Variants in MED13L observed in about 807,000 individuals in gnomAD.
The protein encoded by MED13L is mediator of RNA polymerase II transcription subunit 13-like.
A neutral mutation model predicts 220.9 loss-of-function variants in MED13L; 7 were observed. The observed-to-expected ratio is 0.03, with a 90% CI of 0.02 to 0.06. MED13L has a LOEUF of 0.06. MED13L is among the 10% of genes least tolerant of loss of function. MED13L has a pLI of 1.00. For missense variants in MED13L, 1,965 were observed against 2,760.5 expected (o/e 0.71, Z 6.46); for synonymous variants, 1,011 against 1,015.2 (o/e 1.00, Z 0.08).
At chr12:116,048,987 A>G (rs1225185634) in intron 4 of MED13L, among the ~76,000 whole-genome samples, 2 of 152,210 alleles carry the variant, frequency 1.3e-5, no homozygotes, top group Non-Finnish European at 2.9e-5. Flanking sequence ...AGACATTTGC[A>G]CTTTTAGCAG....
intron 18 of MED13L, 129 bp downstream of exon 18, chr12:115,986,980 A>T (rs2137289322): frequency 1.0e-6 from 1 of 976,572 alleles, no homozygotes; most frequent in Non-Finnish European, 1.5e-6. Context: ...AGAGATTATA[A>T]AACTAAATGG....
chr12:116,113,593 T>C (rs1874266987), intron 2 of MED13L, among the ~76,000 whole-genome samples: 1 of 149,912 alleles, frequency 6.7e-6, no homozygotes, highest in Non-Finnish European at 1.5e-5. Context: ...AGGGTCAAGG[T>C]TGCGGCAAGC....
At chr12:116,120,461 TCTCTCTCTCTCTCTCTCACA>T (rs1349690114) in intron 2 of MED13L, among the ~76,000 whole-genome samples, 3 of 138,120 alleles carry the variant, frequency 2.2e-5, no homozygotes, top group African/African-American at 8.2e-5. Flanking sequence ...TCTCTCTCTC[TCTCTCTCTCTCTCTCTCACA>T]CACACACACA....
intron 14 of MED13L, among the ~76,000 whole-genome samples, chr12:115,997,546 C>A (rs557938759): frequency 6.6e-6 from 1 of 152,302 alleles, no homozygotes; most frequent in East Asian, 1.9e-4. Context: ...CTCAGCCTCC[C>A]AAGTAGCTGG....
chr12:115,972,522 A>T, intron 25 of MED13L: 1 of 404,504 alleles, frequency 2.5e-6, no homozygotes, highest in Non-Finnish European at 4.7e-6. Context: ...GACCAGATTT[A>T]GGCACTTAGA....
At chr12:116,204,806 T>C (rs560752711) in intron 2 of MED13L, among the ~76,000 whole-genome samples, 3 of 152,336 alleles carry the variant, frequency 2.0e-5, no homozygotes, top group African/African-American at 2.4e-5. Flanking sequence ...GTATTATTAT[T>C]ATCTTATTTT....
intron 2 of MED13L, chr12:116,236,714 TA>T: frequency 2.5e-6 from 1 of 406,022 alleles, no homozygotes; most frequent in Non-Finnish European, 3.3e-6. Flanking sequence ...AACACTTAGA[TA>T]AAAAGGTAAA....
In MED13L at chr12:116,168,192, AT is replaced by A. The variant is rs567163909; in HGVS notation, c.311-56681del. ...ACCTTTCAAAGTTCAAAAAAAAGAA[AT>A]TTTTATTTATAAACCCTATATGTTA... On this transcript the variant is annotated intron_variant, in intron 2 of 30. Coordinates refer to ENST00000281928, the MANE Select transcript of MED13L (RefSeq NM_015335.5). Among the ~76,000 whole-genome samples, 752 of 152,256 alleles carry A rather than the reference AT, an allele frequency of 4.9e-3. 7 individuals are homozygous for A. The highest frequency in any genetic ancestry group is 0.014 in the South Asian group (67 of 4,824).
chr12:116,032,472 C>A (rs2137504117), intron 4 of MED13L, among the ~76,000 whole-genome samples: 1 of 152,184 alleles, frequency 6.6e-6, no homozygotes, highest in East Asian at 1.9e-4. Flanking sequence ...CAACACCCAG[C>A]CCCAGTTACC....
Position 116,062,174 on chromosome 12 carries a change from A to G in MED13L, c.479+34495T>C, listed in dbSNP as rs1189912100. The stretch of plus-strand genomic sequence containing the variant: ...TAGTGCAGTTTTTTGTTTTTTTGAG[A>G]TGGGATTTTGCTCTGACACCCAGGC... On this transcript the variant is annotated intron_variant, in intron 4 of 30. Transcript: ENST00000281928. Among the ~76,000 whole-genome samples, 4 of 151,336 alleles carry G rather than the reference A, an allele frequency of 2.6e-5. No homozygotes were observed. The East Asian group carries it at 7.8e-4, about 29-fold the overall frequency.
At chr12:116,029,485 A>G (rs1880598306) in intron 4 of MED13L, among the ~76,000 whole-genome samples, 1 of 152,138 alleles carries the variant, frequency 6.6e-6, no homozygotes, top group Non-Finnish European at 1.5e-5. Flanking sequence ...TAAAATAATT[A>G]AAGTAAACCC....
intron 2 of MED13L, among the ~76,000 whole-genome samples, chr12:116,196,219 T>C (rs933701824): frequency 2.6e-5 from 4 of 152,106 alleles, no homozygotes; most frequent in African/African-American, 9.7e-5. Context: ...CTGGTTGAAC[T>C]CATCTAGCTT....
At chr12:116,013,203 T>G (rs1163287146) in intron 8 of MED13L, among the ~76,000 whole-genome samples, 2 of 152,142 alleles carry the variant, frequency 1.3e-5, no homozygotes, top group Non-Finnish European at 2.9e-5. Flanking sequence ...CAAAACCCCA[T>G]ATATACAAAT....
chr12:115,992,637 G>A (rs1444044055), intron 16 of MED13L, among the ~76,000 whole-genome samples: 1 of 152,126 alleles, frequency 6.6e-6, no homozygotes, highest in African/African-American at 2.4e-5. Context: ...TTACATATGC[G>A]GCTAAGAGGC....
intron 2 of MED13L, among the ~76,000 whole-genome samples, chr12:116,128,066 T>C (rs1050708807): frequency 6.6e-6 from 1 of 152,328 alleles, no homozygotes; most frequent in Middle Eastern, 3.4e-3. Flanking sequence ...TAATGGAAAG[T>C]AGTCCTGTCC....
Position 116,143,276 on chromosome 12 carries a change from A to G in MED13L, c.311-31764T>C, listed in dbSNP as rs192929271. On this transcript the variant is annotated intron_variant, in intron 2 of 30. Transcript: ENST00000281928. ...GTAATCCCAGCACTCAGGGAGGCCG[A>G]GGCAGGGCAGGGGTGAATCATTTGA... 3.3e-3 allele frequency among the ~76,000 whole-genome samples: 501 copies of G among 151,096 alleles called. 4 individuals carry two copies. The highest frequency in any genetic ancestry group is 0.011 in the African/African-American group (468 of 41,196).
intron 1 of MED13L, among the ~76,000 whole-genome samples, chr12:116,252,603 A>C (rs1871652841): frequency 6.6e-6 from 1 of 152,252 alleles, no homozygotes; most frequent in South Asian, 2.1e-4. Context: ...CTATAAAAGG[A>C]AGAAGAAATT....
At chr12:116,024,991 T>C (rs1880303018) in intron 4 of MED13L, among the ~76,000 whole-genome samples, 1 of 152,190 alleles carries the variant, frequency 6.6e-6, no homozygotes, top group Non-Finnish European at 1.5e-5. Flanking sequence ...TACGTGTCTG[T>C]TTTTATGCCA....
intron 1 of MED13L, among the ~76,000 whole-genome samples, chr12:116,275,595 A>G (rs1873752027): frequency 6.6e-6 from 1 of 152,240 alleles, no homozygotes; most frequent in African/African-American, 2.4e-5. Flanking sequence ...TATGCCACCC[A>G]TAATTAAATG....
Sources: gnomAD v4.1 joint callset for allele counts (sites outside exome capture counted in the v4.1 genomes callset) on GRCh38, gnomAD v4.1.1 for gene constraint, MANE v1.5 for transcripts, NCBI Gene and HGNC (gene_info 2026-07-23, HGNC 2026-07-21) for gene names.